Variants in INVS observed in about 807,000 individuals in gnomAD.
INVS encodes inversion of embryo turning homolog.
In INVS, 86 loss-of-function variants were observed where a neutral mutation model predicts 108.8. The ratio of observed to expected loss-of-function variants is 0.79; its 90% CI spans 0.66 to 0.95. INVS has a LOEUF of 0.95. INVS is among the 40% of genes least tolerant of loss of function. INVS has a pLI of 0.00. For synonymous variants in INVS, 455 were observed against 473.5 expected, an observed-to-expected ratio of 0.96 and a Z score of 0.51; for missense variants, 1,169 against 1,297.4, an observed-to-expected ratio of 0.90 and a Z score of 1.52.
intron 3 of INVS, among the ~76,000 whole-genome samples, chr9:100,219,910 A>ATATATAT (rs1325965947): frequency 6.6e-6 from 1 of 152,032 alleles, no homozygotes; most frequent in African/African-American, 2.4e-5. Flanking sequence ...GTTTGTATGA[A>ATATATAT]ATAGAAGCAT....
intron 5 of INVS, among the ~76,000 whole-genome samples, chr9:100,238,078 C>T (rs1328298427): frequency 1.3e-5 from 2 of 152,020 alleles, no homozygotes; most frequent in Non-Finnish European, 2.9e-5. Context: ...GGGGTTTCAC[C>T]ATGTTGGCCA....
At chr9:100,223,182 G>A (rs900705110) in intron 3 of INVS, among the ~76,000 whole-genome samples, 11 of 151,380 alleles carry the variant, frequency 7.3e-5, no homozygotes, top group African/African-American at 1.5e-4. Flanking sequence ...TGGAGCCTCC[G>A]CTTCCTGGGT....
chr9:100,129,002 T>C (rs1173474970), intron 3 of INVS, among the ~76,000 whole-genome samples: 1 of 151,380 alleles, frequency 6.6e-6, no homozygotes, highest in African/African-American at 2.4e-5. Flanking sequence ...CAGGGCAACA[T>C]AGAGAGACTC....
At chr9:100,250,264 T>C (rs1832186745) in intron 8 of INVS, among the ~76,000 whole-genome samples, 2 of 152,212 alleles carry the variant, frequency 1.3e-5, no homozygotes, top group African/African-American at 2.4e-5. Context: ...GTGAACTCAA[T>C]ATAGCTCTCA....
intron 3 of INVS, among the ~76,000 whole-genome samples, chr9:100,199,620 CTTAACTATA>C (rs1382451214): frequency 7.2e-5 from 11 of 152,278 alleles, no homozygotes; most frequent in African/African-American, 2.6e-4. Flanking sequence ...CCTCAGAAAA[CTTAACTATA>C]TCATTTTATT....
At position 100,165,902 on chromosome 9, in the gene INVS, G is replaced by T. The variant is rs191127184; in HGVS notation, c.273+39353G>T. On this transcript the variant is annotated intron_variant, in intron 3 of 16. Transcript: ENST00000262457. ...ATAGCTTTACTTTTAGTAGGAAAAA[G>T]TATTTGGAGAACACAATCTAGGATC... 5.9e-3 allele frequency among the ~76,000 whole-genome samples: 892 copies of T among 152,172 alleles called. 5 individuals carry two copies. Among genetic ancestry groups the T allele is most frequent in the South Asian group, 0.022 (108 of 4,818 alleles).
chr9:100,218,565 T>G (rs1326679870), intron 3 of INVS, among the ~76,000 whole-genome samples: 1 of 152,222 alleles, frequency 6.6e-6, no homozygotes, highest in Non-Finnish European at 1.5e-5. Flanking sequence ...GCCAATTATC[T>G]ATAAGTTAAT....
At chr9:100,245,540 A>G (rs1304577698) in intron 7 of INVS, among the ~76,000 whole-genome samples, 2 of 152,150 alleles carry the variant, frequency 1.3e-5, no homozygotes, top group Admixed American at 6.5e-5. Context: ...TCAGCCTCCC[A>G]AAGTGCTGGG....
rs1250388204 is a variant in INVS at position 100,292,724 on chromosome 9, C to A, written c.2467C>A (p.Gln823Lys). 1 of 1,614,024 alleles carries A rather than the reference C, an allele frequency of 6.2e-7. No individual in the cohort carries two copies. The highest frequency in any genetic ancestry group is 1.3e-5 in the African/African-American group (1 of 74,890). Residue 823 changes from glutamine (Q) to lysine (K), a missense_variant, in exon 14 of 17, where the codon CAG becomes AAG. Coordinates refer to ENST00000262457, the MANE Select transcript of INVS (RefSeq NM_014425.5). ...SARGEAVHAG[Q>K]NPPHHRTPRN... ...CCGGGGGGAGGCGGTCCATGCTGGGCAGAATCCTCCCCACCATCGTACACC... is the reference window on the plus strand; with the variant it reads ...CCGGGGGGAGGCGGTCCATGCTGGGAAGAATCCTCCCCACCATCGTACACC...
At chr9:100,165,522 G>C (rs2119024257) in intron 3 of INVS, among the ~76,000 whole-genome samples, 1 of 152,254 alleles carries the variant, frequency 6.6e-6, no homozygotes, top group African/African-American at 2.4e-5. Flanking sequence ...AAGGAAGGAT[G>C]AATGCTTGAT....
At chr9:100,154,456 T>G (rs1828909435) in intron 3 of INVS, among the ~76,000 whole-genome samples, 1 of 148,300 alleles carries the variant, frequency 6.7e-6, no homozygotes, top group African/African-American at 2.5e-5. Flanking sequence ...GGATTACAGG[T>G]GTGTCCACCG....
At chr9:100,188,477 C>T (rs1186694215) in intron 3 of INVS, among the ~76,000 whole-genome samples, 2 of 152,034 alleles carry the variant, frequency 1.3e-5, no homozygotes, top group African/African-American at 4.8e-5. Context: ...TGTGATGAAT[C>T]GTACTTATTG....
At chr9:100,257,414 G>T (rs903954790) in intron 10 of INVS, among the ~76,000 whole-genome samples, 2 of 152,142 alleles carry the variant, frequency 1.3e-5, no homozygotes, top group Non-Finnish European at 2.9e-5. Flanking sequence ...TACATTTAAG[G>T]TTAATATTGT....
Position 100,104,494 on chromosome 9 carries a change from T to G in INVS, c.-24-4T>G. ...TGCGCTCATTGTCTGAATCATTGTT[T>G]CAGGTTGCTCCGGTTGCTAAGAAGA... is the stretch of plus-strand genomic sequence containing the variant. On this transcript the variant is annotated splice_region_variant and splice_polypyrimidine_tract_variant and intron_variant, in intron 1 of 16. Coordinates refer to ENST00000262457, the MANE Select transcript of INVS (RefSeq NM_014425.5). 1 of 1,503,828 alleles carries G rather than the reference T, an allele frequency of 6.6e-7. No individual in the cohort carries two copies. The highest frequency in any genetic ancestry group is 9.3e-7 in the Non-Finnish European group (1 of 1,080,028). 93.2% of individuals were successfully genotyped at this position (1,503,828 alleles called of 1,614,324 possible). A position where few individuals can be genotyped will look rare whatever the true frequency, so the allele number is the denominator to read the frequency against.
intron 4 of INVS, among the ~76,000 whole-genome samples, chr9:100,229,067 C>T (rs1167110616): frequency 6.6e-6 from 1 of 152,216 alleles, no homozygotes; most frequent in Non-Finnish European, 1.5e-5. Flanking sequence ...GTTTCTTCTT[C>T]CTTCTTTACA....
intron 10 of INVS, among the ~76,000 whole-genome samples, chr9:100,263,800 T>C (rs886763223): frequency 2.6e-5 from 4 of 152,218 alleles, no homozygotes; most frequent in Non-Finnish European, 5.9e-5. Context: ...TATGTACATG[T>C]GAAAAGAGCA....
At chr9:100,164,909 T>G (rs1242256661) in intron 3 of INVS, among the ~76,000 whole-genome samples, 1 of 150,936 alleles carries the variant, frequency 6.6e-6, no homozygotes, top group Non-Finnish European at 1.5e-5. Context: ...TTTTTTTTTT[T>G]TTTTACAACT....
intron 3 of INVS, among the ~76,000 whole-genome samples, chr9:100,188,263 C>T (rs1830113541): frequency 6.6e-6 from 1 of 152,032 alleles, no homozygotes; most frequent in South Asian, 2.1e-4. Context: ...CCGGTTCTTC[C>T]AGGGAATGCT....
chr9:100,214,805 C>G (rs1483359241), intron 3 of INVS: 1 of 152,202 alleles, frequency 6.6e-6, no homozygotes, highest in African/African-American at 2.4e-5. Flanking sequence ...CTGTTTGATT[C>G]AGGTAGCTCA....
Sources: gnomAD v4.1 joint callset for allele counts (sites outside exome capture counted in the v4.1 genomes callset) on GRCh38, gnomAD v4.1.1 for gene constraint, MANE v1.5 for transcripts, NCBI Gene and HGNC (gene_info 2026-07-23, HGNC 2026-07-21) for gene names.